ZMIZ1: variants seen among roughly 807,000 people sequenced by gnomAD.
The protein encoded by ZMIZ1 is zinc finger MIZ-type containing 1.
In ZMIZ1, 17 loss-of-function variants were observed where a neutral mutation model predicts 113.9. The observed-to-expected ratio is 0.15, with a 90% CI of 0.10 to 0.22. ZMIZ1 has a LOEUF of 0.22. Ranked by LOEUF, ZMIZ1 falls within the 10% of genes least tolerant of loss-of-function variation. The pLI is 1.00. For missense variants in ZMIZ1, 1,059 were observed against 1,477.8 expected (o/e 0.72, Z 4.65); for synonymous variants, 607 against 603.1 (o/e 1.01, Z -0.09).
At chr10:79,147,583 T>C (rs532636157) in intron 3 of ZMIZ1, among the ~76,000 whole-genome samples, 2 of 152,270 alleles carry the variant, frequency 1.3e-5, no homozygotes, top group Admixed American at 1.3e-4. Flanking sequence ...TCTGGAAACT[T>C]CGTCAAACCC....
intron 4 of ZMIZ1, among the ~76,000 whole-genome samples, chr10:79,174,515 A>T (rs1429400448): frequency 6.6e-6 from 1 of 152,162 alleles, no homozygotes; most frequent in Non-Finnish European, 1.5e-5. Context: ...CTGAGTTTTC[A>T]TAGAAACCTA....
At chr10:79,096,488 G>T (rs1033792683) in intron 1 of ZMIZ1, among the ~76,000 whole-genome samples, 2 of 152,146 alleles carry the variant, frequency 1.3e-5, no homozygotes, top group Non-Finnish European at 2.9e-5. Context: ...CTCCAGCCTG[G>T]GCGACAGAGT....
In ZMIZ1 at chr10:79,298,561, C is replaced by T. The variant is rs770912302; in HGVS notation, c.1647C>T (p.Ser549=). 25 of 1,599,826 alleles carry T rather than the reference C, an allele frequency of 1.6e-5. No individual in the cohort carries two copies. The highest frequency in any genetic ancestry group is 8.7e-5 in the Admixed American group (5 of 57,248). The change falls in exon 15 of 25, where the codon AGC becomes AGT. Residue 549 remains serine (S), a synonymous_variant. Coordinates refer to ENST00000334512, the MANE Select transcript of ZMIZ1 (RefSeq NM_020338.4). ...CGCCTGACATCAAGCCAAATATGAG[C>T]GCTCTGCCACCACCCCCAGGTGAGG... ...PFPPDIKPNM[S]ALPPPPANHN...
At chr10:79,188,084 A>G (rs559773877) in intron 4 of ZMIZ1, among the ~76,000 whole-genome samples, 7 of 152,242 alleles carry the variant, frequency 4.6e-5, no homozygotes, top group Non-Finnish European at 1.0e-4. Flanking sequence ...TTCACATAAA[A>G]TACCAAATAT....
In ZMIZ1 at chr10:79,300,913, A is replaced by C; in HGVS notation, c.1990A>C (p.Ile664Leu). 2 of 1,612,166 alleles carry C rather than the reference A, an allele frequency of 1.2e-6. No individual in the cohort carries two copies. Among genetic ancestry groups the C allele is most frequent in the Non-Finnish European group, 1.7e-6 (2 of 1,179,936 alleles). ...CGTGTGCCAGCCGGGCCGCAACACC[A>C]TCCAGATCACCGTCACGGCCTGCTG... The part of the protein sequence containing the change: ...KHVCQPGRNT[I>L]QITVTACCCS... Residue 664 changes from isoleucine (I) to leucine (L), a missense_variant, in exon 17 of 25, where the codon ATC (isoleucine) becomes CTC (leucine). By Grantham distance (5) the Ile-to-Leu change is conservative (BLOSUM62 2). This residue lies in a region of ZMIZ1 where 217 missense variants were observed against 426.9 expected (regional missense o/e 0.51). Transcript: ENST00000334512.
chr10:79,267,262 A>G (rs1851662976), intron 7 of ZMIZ1, among the ~76,000 whole-genome samples: 1 of 152,204 alleles, frequency 6.6e-6, no homozygotes, highest in Non-Finnish European at 1.5e-5. Flanking sequence ...GGGAGCACCC[A>G]GTGTGAAGGG....
At chr10:79,088,515 A>G (rs537781238) in intron 1 of ZMIZ1, among the ~76,000 whole-genome samples, 2 of 152,348 alleles carry the variant, frequency 1.3e-5, no homozygotes, top group East Asian at 3.9e-4. Flanking sequence ...GGTGCAGGAC[A>G]GCATTTTGTC....
chr10:79,300,645 T>C, intron 16 of ZMIZ1, 87 bp from the exon 17 acceptor site: 1 of 1,482,852 alleles, frequency 6.7e-7, no homozygotes, highest in Non-Finnish European at 9.1e-7. Flanking sequence ...GTGGTGTGTT[T>C]AGAGGTGTGT....
chr10:79,230,562 GA>G (rs549395761), intron 7 of ZMIZ1, among the ~76,000 whole-genome samples: 2 of 152,338 alleles, frequency 1.3e-5, no homozygotes, highest in East Asian at 3.9e-4. Flanking sequence ...GCCGGGAGTC[GA>G]GGGGCCCGCC....
chr10:79,082,757 C>T (rs570063815), intron 1 of ZMIZ1, among the ~76,000 whole-genome samples: 1 of 152,346 alleles, frequency 6.6e-6, no homozygotes, highest in East Asian at 1.9e-4. Context: ...GCTACTTTTC[C>T]CTCAGGGCTC....
chr10:79,296,478 A>G lies in ZMIZ1; in HGVS notation c.1238A>G (p.Tyr413Cys), dbSNP rs773047845. The G allele has an allele frequency of 3.0e-5, 49 of 1,613,846 alleles. No homozygotes were observed. The highest frequency in any genetic ancestry group is 3.8e-5 in the Non-Finnish European group (45 of 1,179,942). Reference sequence around the variant, plus strand: ...CTTTCTCTCCCACCACAGCCCAACTATGGAAACCAGCAATATGGACCAAAC... The same window carrying G: ...CTTTCTCTCCCACCACAGCCCAACTGTGGAAACCAGCAATATGGACCAAAC... ...IKRPYPGEPNYGNQQYGPNSQ... is the reference protein window; with the variant it reads ...IKRPYPGEPNCGNQQYGPNSQ... Residue 413 changes from tyrosine (Y) to cysteine (C), a missense_variant, in exon 13 of 25, where the codon TAT becomes TGT. Transcript: ENST00000334512. The surrounding 1 kb of genome is among the most constrained non-coding windows in gnomAD (Gnocchi z 4.1).
At chr10:79,280,472 G>A (rs1852653907) in intron 8 of ZMIZ1, among the ~76,000 whole-genome samples, 1 of 149,514 alleles carries the variant, frequency 6.7e-6, no homozygotes, top group South Asian at 2.1e-4. Context: ...ATAGGGTCTC[G>A]CTATGTTGCC....
At chr10:79,253,764 C>A (rs998634445) in intron 7 of ZMIZ1, among the ~76,000 whole-genome samples, 1 of 152,166 alleles carries the variant, frequency 6.6e-6, no homozygotes, top group Admixed American at 6.5e-5. Flanking sequence ...TGTGAGAGGC[C>A]CCTGAGCAAA....
chr10:79,252,462 A>G (rs1463654971), intron 7 of ZMIZ1, among the ~76,000 whole-genome samples: 1 of 151,496 alleles, frequency 6.6e-6, no homozygotes, highest in Non-Finnish European at 1.5e-5. Flanking sequence ...TCACCATGGT[A>G]CCCCCTGGGC....
At chr10:79,123,446 G>C (rs971814491) in intron 2 of ZMIZ1, among the ~76,000 whole-genome samples, 3 of 152,218 alleles carry the variant, frequency 2.0e-5, no homozygotes, top group African/African-American at 7.2e-5. Context: ...CCTGGAGCAT[G>C]GTTAGTGCTT....
At chr10:79,163,419 C>T (rs752850527) in intron 4 of ZMIZ1, among the ~76,000 whole-genome samples, 1 of 152,262 alleles carries the variant, frequency 6.6e-6, no homozygotes, top group Non-Finnish European at 1.5e-5. Context: ...GCTGATTATA[C>T]TGACATTGCT....
At position 79,277,256 on chromosome 10, in the gene ZMIZ1, C is replaced by A. The variant is rs777773375; in HGVS notation, c.356C>A (p.Pro119His). Residue 119 changes from proline (P) to histidine (H), a missense_variant, in exon 8 of 25, where the codon CCC becomes CAC. Pro to His is a moderately conservative substitution (Grantham distance 77). Transcript: ENST00000334512. Reference protein sequence around the residue: ...LRHQKSRQSDPPGKLPMQPPL... With the variant: ...LRHQKSRQSDHPGKLPMQPPL... ...CATCAGAAGAGCCGCCAGAGCGATC[C>A]CCCTGGGAAACTCCCCATGCAGCCC... The A allele has an allele frequency of 1.1e-5, 18 of 1,594,328 alleles. No homozygotes were observed. In the South Asian group the frequency reaches 1.7e-4, roughly 15 times the overall value.
At chr10:79,297,097 C>G (rs148678154) in intron 13 of ZMIZ1, among the ~76,000 whole-genome samples, 11 of 152,240 alleles carry the variant, frequency 7.2e-5, no homozygotes, top group African/African-American at 2.2e-4. Flanking sequence ...GCTACTAGAG[C>G]CCCTGGGGTT....
chr10:79,138,275 GT>G (rs919619303), intron 2 of ZMIZ1, among the ~76,000 whole-genome samples: 1 of 152,252 alleles, frequency 6.6e-6, no homozygotes, highest in African/African-American at 2.4e-5. Context: ...AGCATAGGTT[GT>G]AGGGCTCAGG....
Sources: gnomAD v4.1 joint callset for allele counts (sites outside exome capture counted in the v4.1 genomes callset) on GRCh38, gnomAD v4.1.1 for gene constraint, gnomAD v4.1.1 regional missense constraint, Gnocchi (gnomAD v3.1) non-coding constraint, MANE v1.5 for transcripts, NCBI Gene and HGNC (gene_info 2026-07-23, HGNC 2026-07-21) for gene names.